The following LPP variants were observed in gnomAD, a reference collection of about 807,000 sequenced individuals.
The protein encoded by LPP is LIM domain containing preferred translocation partner in lipoma, also known as lipoma-preferred partner.
In LPP, 38 loss-of-function variants were observed where a neutral mutation model predicts 60.4. The observed-to-expected ratio is 0.63, with a 90% CI of 0.49 to 0.83. The LOEUF (loss-of-function observed/expected upper bound fraction) is 0.83. Among genes scored for constraint, LPP ranks in the 40% least tolerant of loss-of-function variants. The pLI is 0.00. For synonymous variants in LPP, 328 were observed against 290.8 expected, an observed-to-expected ratio of 1.13 and a Z score of -1.30; for missense variants, 902 against 783.6, an observed-to-expected ratio of 1.15 and a Z score of -1.80.
chr3:188,490,620 C>G (rs944552722), intron 5 of LPP, among the ~76,000 whole-genome samples: 6 of 151,914 alleles, frequency 3.9e-5, no homozygotes, highest in Non-Finnish European at 8.8e-5. Flanking sequence ...CACCTCGGCC[C>G]CACGAAGTGC....
intron 7 of LPP, among the ~76,000 whole-genome samples, chr3:188,649,791 A>C (rs1341631295): frequency 6.6e-6 from 1 of 152,190 alleles, no homozygotes. Context: ...TCTCATGATT[A>C]AGAAATGGAG....
At chr3:188,797,134 C>CCTCCTA (rs4011873) in intron 9 of LPP, among the ~76,000 whole-genome samples, 2 of 151,736 alleles carry the variant, frequency 1.3e-5, no homozygotes, top group Admixed American at 6.6e-5. Context: ...TCCTCCTCCT[C>CCTCCTA]CTCCTCTTCC....
At chr3:188,448,760 A>G (rs1307167644) in intron 4 of LPP, among the ~76,000 whole-genome samples, 2 of 152,218 alleles carry the variant, frequency 1.3e-5, no homozygotes, top group Non-Finnish European at 1.5e-5. Flanking sequence ...ATTTGTAAAG[A>G]AAATGCATTT....
chr3:188,827,942 A>G (rs1389065032), intron 9 of LPP, among the ~76,000 whole-genome samples: 1 of 152,154 alleles, frequency 6.6e-6, no homozygotes, highest in Non-Finnish European at 1.5e-5. Flanking sequence ...CTACCTTTGT[A>G]TGGTACATCT....
intron 9 of LPP, among the ~76,000 whole-genome samples, chr3:188,836,062 A>G (rs531233568): frequency 3.3e-5 from 5 of 152,284 alleles, no homozygotes; most frequent in Non-Finnish European, 7.4e-5. Context: ...GATAAATTTT[A>G]TATGTTGTTT....
chr3:188,577,737 CTTCCTTTG>C (rs1415097008), intron 6 of LPP, among the ~76,000 whole-genome samples: 66 of 127,224 alleles, frequency 5.2e-4, no homozygotes, highest in African/African-American at 1.6e-3. Flanking sequence ...GGTTTCCTTC[CTTCCTTTG>C]TTCCTTCGTT....
intron 7 of LPP, among the ~76,000 whole-genome samples, chr3:188,616,197 G>A (rs1404408668): frequency 1.3e-5 from 2 of 152,122 alleles, no homozygotes; most frequent in East Asian, 3.9e-4. Context: ...TTTTCTCCTA[G>A]GGTTTTTATG....
At chr3:188,488,265 CT>C (rs1399889703) in intron 5 of LPP, among the ~76,000 whole-genome samples, 1 of 152,048 alleles carries the variant, frequency 6.6e-6, no homozygotes, top group African/African-American at 2.4e-5. Flanking sequence ...CGGAGTTTTG[CT>C]TGGCTGTCTG....
intron 7 of LPP, among the ~76,000 whole-genome samples, chr3:188,682,985 AAAG>A (rs1228098807): frequency 2.0e-5 from 3 of 152,172 alleles, no homozygotes; most frequent in African/African-American, 7.2e-5. Flanking sequence ...GGATGACCAC[AAAG>A]AAGAATAAGG....
At chr3:188,601,126 A>G (rs1249067412) in intron 6 of LPP, among the ~76,000 whole-genome samples, 5 of 152,136 alleles carry the variant, frequency 3.3e-5, no homozygotes, top group Non-Finnish European at 7.4e-5. Context: ...GTATCTACCC[A>G]GAAGTTGAAT....
chr3:188,448,055 A>G (rs1347731732), intron 4 of LPP, among the ~76,000 whole-genome samples: 4 of 152,220 alleles, frequency 2.6e-5, no homozygotes, highest in African/African-American at 9.6e-5. Context: ...AAATATAAAG[A>G]TAATTTTTAT....
At chr3:188,220,881 G>T (rs1176560214) in intron 1 of LPP, among the ~76,000 whole-genome samples, 6 of 152,152 alleles carry the variant, frequency 3.9e-5, no homozygotes, top group Admixed American at 3.9e-4. Context: ...CTGTGAGTGG[G>T]GCCACAGGGA....
At chr3:188,624,739 C>CCTTCT in intron 7 of LPP, among the ~76,000 whole-genome samples, 1 of 141,802 alleles carries the variant, frequency 7.1e-6, no homozygotes, top group African/African-American at 2.6e-5. Context: ...CTTTCCCTTT[C>CCTTCT]CCTTCCCTTC....
At chr3:188,590,901 C>A (rs1838558421) in intron 6 of LPP, among the ~76,000 whole-genome samples, 1 of 152,184 alleles carries the variant, frequency 6.6e-6, no homozygotes, top group African/African-American at 2.4e-5. Context: ...TTCACAAAGG[C>A]AAATTGATGG....
At chr3:188,414,396 T>C (rs933979372) in intron 4 of LPP, among the ~76,000 whole-genome samples, 1 of 152,134 alleles carries the variant, frequency 6.6e-6, no homozygotes, top group Non-Finnish European at 1.5e-5. Context: ...CTGGTATGTG[T>C]AAATATTCCA....
At chr3:188,678,677 G>A (rs1002540922) in intron 7 of LPP, among the ~76,000 whole-genome samples, 15 of 152,156 alleles carry the variant, frequency 9.9e-5, no homozygotes, top group Non-Finnish European at 2.2e-4. Flanking sequence ...ATTCAGCTGT[G>A]AACATTTTTT....
At chr3:188,556,493 C>G (rs1829493024) in intron 6 of LPP, among the ~76,000 whole-genome samples, 1 of 152,032 alleles carries the variant, frequency 6.6e-6, no homozygotes, top group Non-Finnish European at 1.5e-5. Flanking sequence ...ATAAAATGAT[C>G]ACTAACATCT....
intron 9 of LPP, among the ~76,000 whole-genome samples, chr3:188,828,446 A>G (rs1756178244): frequency 6.7e-6 from 1 of 150,334 alleles, no homozygotes; most frequent in Non-Finnish European, 1.5e-5. Context: ...CTCTACTAAA[A>G]ATACAAAAAA....
chr3:188,416,794 A>C (rs6790817), intron 4 of LPP, among the ~76,000 whole-genome samples: 151,609 of 152,266 alleles, frequency 1, 75,482 homozygotes, highest in Middle Eastern at 1. Context: ...CTAGCCATGG[A>C]CAAGCTTCTG....
Sources: gnomAD v4.1 joint callset for allele counts (sites outside exome capture counted in the v4.1 genomes callset) on GRCh38, gnomAD v4.1.1 for gene constraint, MANE v1.5 for transcripts, NCBI Gene and HGNC (gene_info 2026-07-23, HGNC 2026-07-21) for gene names.